MS4A14: variants seen among roughly 807,000 people sequenced by gnomAD.
The protein encoded by MS4A14 is membrane-spanning 4-domains subfamily A member 14.
A neutral mutation model predicts 16.7 loss-of-function variants in MS4A14; 18 were observed. The observed-to-expected ratio is 1.08, with a 90% CI of 0.75 to 1.60. The LOEUF (loss-of-function observed/expected upper bound fraction) is 1.60. MS4A14 is among the 40% of genes most tolerant of loss of function. The pLI is 0.00. For missense variants in MS4A14, 812 were observed against 775.3 expected (o/e 1.05, Z -0.56); for synonymous variants, 305 against 289.4 (o/e 1.05, Z -0.55).
intron 4 of MS4A14, 91 bp from the exon 5 acceptor site, chr11:60,415,346 C>T: frequency 1.4e-6 from 2 of 1,389,364 alleles, no homozygotes; most frequent in East Asian, 2.3e-5. Flanking sequence ...TATCTACTGT[C>T]TTAAGTCAGA....
chr11:60,403,508 T>C (rs1443436191), intron 4 of MS4A14, among the ~76,000 whole-genome samples: 1 of 152,166 alleles, frequency 6.6e-6, no homozygotes, highest in Non-Finnish European at 1.5e-5. Flanking sequence ...AACACTGAGA[T>C]CAAAATACAG....
At chr11:60,398,711 A>T (rs1025584242) in intron 2 of MS4A14, among the ~76,000 whole-genome samples, 19 of 152,244 alleles carry the variant, frequency 1.2e-4, no homozygotes, top group Admixed American at 1.2e-3. Flanking sequence ...TGAAATAATT[A>T]ATAAATTAGG....
intron 4 of MS4A14, 116 bp downstream of exon 4, chr11:60,403,177 G>A (rs1281645332): frequency 8.5e-7 from 1 of 1,172,146 alleles, no homozygotes; most frequent in South Asian, 1.2e-5. Context: ...CATTTGAACT[G>A]ACGGTTGAGA....
In MS4A14 at chr11:60,417,248, A is replaced by C. The variant is rs2085961687; in HGVS notation, c.*240A>C. 4 of 406,518 alleles carry C rather than the reference A, an allele frequency of 9.8e-6. No homozygotes were observed. The highest frequency in any genetic ancestry group is 1.3e-5 in the Non-Finnish European group (3 of 229,470). 25.2% of individuals were successfully genotyped at this position (406,518 alleles called of 1,614,324 possible). On this transcript the variant is annotated 3_prime_UTR_variant, in exon 5 of 5. Transcript: ENST00000300187. ...AGGAGATATGTACACTAGAGACATC[A>C]AACCAGGGGACATGAAATGTATAGG... is the stretch of plus-strand genomic sequence containing the variant.
chr11:60,407,494 A>G (rs1197651337), intron 4 of MS4A14, among the ~76,000 whole-genome samples: 1 of 152,218 alleles, frequency 6.6e-6, no homozygotes, highest in African/African-American at 2.4e-5. Context: ...ACTTTATAAG[A>G]AAATACCAAA....
chr11:60,416,856 C>G lies in MS4A14; in HGVS notation c.1888C>G (p.Gln630Glu). 6.8e-6 allele frequency: 11 copies of G among 1,613,738 alleles called. No homozygotes were observed. Among genetic ancestry groups the G allele is most frequent in the Non-Finnish European group, 9.3e-6 (11 of 1,179,812 alleles). Residue 630 changes from glutamine (Q) to glutamate (E), a missense_variant, in exon 5 of 5, where the codon CAA (glutamine) becomes GAA (glutamate). Gln to Glu is a conservative substitution (Grantham distance 29). Coordinates refer to ENST00000300187, the MANE Select transcript of MS4A14 (RefSeq NM_032597.5). ...QFQNVQAEGQ[Q>E]AQVEKVPKLL... ...CCAAAATGTTCAAGCCGAAGGACAG[C>G]AAGCTCAGGTGGAGAAAGTGCCAAA...
chr11:60,402,669 T>C (rs1011465418), intron 3 of MS4A14, among the ~76,000 whole-genome samples: 1 of 152,190 alleles, frequency 6.6e-6, no homozygotes, highest in African/African-American at 2.4e-5. Context: ...TAAAATGGGA[T>C]AAAATGAACA....
At chr11:60,414,663 G>T (rs1204672169) in intron 4 of MS4A14, among the ~76,000 whole-genome samples, 1 of 152,098 alleles carries the variant, frequency 6.6e-6, no homozygotes, top group Non-Finnish European at 1.5e-5. Context: ...CCTCTTATTT[G>T]TAAAGGAAAG....
intron 4 of MS4A14, 115 bp downstream of exon 4, chr11:60,403,176 T>C: frequency 8.4e-7 from 1 of 1,194,700 alleles, no homozygotes; most frequent in East Asian, 2.4e-5. Flanking sequence ...GCATTTGAAC[T>C]GACGGTTGAG....
chr11:60,409,581 A>G (rs989885373), intron 4 of MS4A14, among the ~76,000 whole-genome samples: 1 of 147,994 alleles, frequency 6.8e-6, no homozygotes, highest in South Asian at 2.1e-4. Flanking sequence ...TGTATATTTT[A>G]TATATATATA....
chr11:60,404,157 T>C (rs192920825), intron 4 of MS4A14, among the ~76,000 whole-genome samples: 31 of 152,384 alleles, frequency 2.0e-4, no homozygotes, highest in African/African-American at 6.5e-4. Flanking sequence ...AACTTGTATA[T>C]ACCCGAAAGG....
At chr11:60,403,207 G>A in intron 4 of MS4A14, 146 bp downstream of exon 4, 1 of 829,246 alleles carries the variant, frequency 1.2e-6, no homozygotes, top group South Asian at 1.5e-5. Context: ...TGGGGTTACT[G>A]TTACAATGGT....
intron 2 of MS4A14, 97 bp downstream of exon 2, chr11:60,398,077 T>G: frequency 2.9e-6 from 4 of 1,361,284 alleles, no homozygotes; most frequent in Non-Finnish European, 3.0e-6. Flanking sequence ...AATATGGCCC[T>G]CCAGGAGACC....
chr11:60,396,973 A>T (rs866315822), intron 1 of MS4A14, among the ~76,000 whole-genome samples: 5 of 152,300 alleles, frequency 3.3e-5, no homozygotes, highest in Middle Eastern at 6.8e-3. Context: ...TGAAGCTAAG[A>T]AACCATAAGT....
chr11:60,399,539 T>C (rs909947192), intron 2 of MS4A14, among the ~76,000 whole-genome samples: 3 of 152,132 alleles, frequency 2.0e-5, no homozygotes, highest in African/African-American at 7.2e-5. Context: ...TTAAAGAGGA[T>C]AGTGACACTT....
Position 60,396,637 on chromosome 11 carries a change from A to AAACTGTAT in MS4A14, c.60_67dup (p.Leu23Ter). 1 of 1,613,952 alleles carries AAACTGTAT rather than the reference A, an allele frequency of 6.2e-7. No individual in the cohort carries two copies. Among genetic ancestry groups the AAACTGTAT allele is most frequent in the South Asian group, 1.1e-5 (1 of 90,968 alleles). On this transcript the variant is annotated frameshift_variant, in exon 1 of 5. Coordinates refer to ENST00000300187, the MANE Select transcript of MS4A14 (RefSeq NM_032597.5). LOFTEE classifies it high-confidence loss of function. ...CACGTCATCACTATAAAACCAAACG[A>AAACTGTAT]AACTGTATTGACTGCATTTCCCTAC...
At chr11:60,410,665 A>G (rs1319624309) in intron 4 of MS4A14, among the ~76,000 whole-genome samples, 4 of 152,258 alleles carry the variant, frequency 2.6e-5, no homozygotes, top group Admixed American at 1.3e-4. Flanking sequence ...GTGGATGCCC[A>G]GTTATTCCAG....
rs1166412034 is a variant in MS4A14 at position 60,417,085 on chromosome 11, AT to A, written c.*79del. On this transcript the variant is annotated 3_prime_UTR_variant, in exon 5 of 5. Coordinates refer to ENST00000300187, the MANE Select transcript of MS4A14 (RefSeq NM_032597.5). ...TGAAGCACTGGCAAACACAGGATCTATTAGAGAAAGAAGCCCTAAAGCAGAA... is the reference window on the plus strand; with the variant it reads ...TGAAGCACTGGCAAACACAGGATCTATAGAGAAAGAAGCCCTAAAGCAGAA... 2 of 1,512,184 alleles carry A rather than the reference AT, an allele frequency of 1.3e-6. No individual in the cohort carries two copies. Among genetic ancestry groups the A allele is most frequent in the Admixed American group, 4.6e-5 (2 of 43,678 alleles). The allele number at this position is 1,512,184 out of a possible 1,614,324, so 93.7% of individuals were successfully genotyped here.
At chr11:60,406,244 T>C (rs965083390) in intron 4 of MS4A14, among the ~76,000 whole-genome samples, 8 of 152,224 alleles carry the variant, frequency 5.3e-5, no homozygotes, top group Non-Finnish European at 1.0e-4. Context: ...TAGCTCCTTA[T>C]GTCTCTGCCA....
Sources: gnomAD v4.1 joint callset for allele counts (sites outside exome capture counted in the v4.1 genomes callset) on GRCh38, gnomAD v4.1.1 for gene constraint, MANE v1.5 for transcripts, NCBI Gene and HGNC (gene_info 2026-07-23, HGNC 2026-07-21) for gene names.